The following SDK1 variants were observed in gnomAD, a reference collection of about 807,000 sequenced individuals.
SDK1 encodes protein sidekick-1.
SDK1 carries 157 observed loss-of-function variants against 245.5 expected under a neutral mutation model. That is an observed-to-expected ratio of 0.64 (90% CI 0.56 to 0.73). The LOEUF (loss-of-function observed/expected upper bound fraction) is 0.73. SDK1 is among the 30% of genes least tolerant of loss of function. The probability of loss-of-function intolerance (pLI) is 0.00; values close to 1 mark genes in which losing one functional copy is unlikely to be tolerated. For missense variants in SDK1, 3,583 were observed against 3,002.3 expected (o/e 1.19, Z -4.52); for synonymous variants, 1,647 against 1,278.5 (o/e 1.29, Z -6.15).
chr7:3,346,827 A>ATATATTTT (rs1228887289), intron 1 of SDK1, among the ~76,000 whole-genome samples: 2 of 16,390 alleles, frequency 1.2e-4, no homozygotes, highest in African/African-American at 4.6e-4. Flanking sequence ...ATATATATAT[A>ATATATTTT]TTTTTTTTTT....
Position 3,803,044 on chromosome 7 carries a change from A to G in SDK1, c.714-18406A>G, listed in dbSNP as rs140675156. Among the ~76,000 whole-genome samples, 35 of 152,332 alleles carry G rather than the reference A, an allele frequency of 2.3e-4. No homozygotes were observed. The East Asian group carries it at 4.4e-3, about 19-fold the overall frequency. On this transcript the variant is annotated intron_variant, in intron 4 of 44. Transcript: ENST00000404826. The stretch of plus-strand genomic sequence containing the variant: ...TATGTTTGGCTTTTTAGAAACTACC[A>G]AAGTATTTTCCACTGTGGCTATACT...
At position 3,742,927 on chromosome 7, in the gene SDK1, G is replaced by T. The variant is rs149325190; in HGVS notation, c.714-78523G>T. On this transcript the variant is annotated intron_variant, in intron 4 of 44. Coordinates refer to ENST00000404826, the MANE Select transcript of SDK1 (RefSeq NM_152744.4). ...GAACCAAACAAACAAATAGCAAATT[G>T]TACGTCATCAGTGGAGACTGGTTTT... is the stretch of plus-strand genomic sequence containing the variant. Among the ~76,000 whole-genome samples, 892 of 152,304 alleles carry T rather than the reference G, an allele frequency of 5.9e-3. 10 individuals are homozygous for T. The highest frequency in any genetic ancestry group is 0.02 in the African/African-American group (834 of 41,570).
intron 5 of SDK1, among the ~76,000 whole-genome samples, chr7:3,850,449 C>T (rs546451968): frequency 8.5e-5 from 13 of 152,182 alleles, no homozygotes; most frequent in Non-Finnish European, 1.8e-4. Context: ...GACAATGCGG[C>T]GATCCCTCAA....
Position 4,049,362 on chromosome 7 carries a change from C to G in SDK1, c.2617C>G (p.Pro873Ala). 6.2e-7 allele frequency: 1 copy of G among 1,614,112 alleles called. No individual in the cohort carries two copies. The highest frequency in any genetic ancestry group is 8.5e-7 in the Non-Finnish European group (1 of 1,180,022). ...CCCTGCCACAGTGCCCACCGCGCCC[C>G]CGCAGAACGTGCAGACGGAAGCCGT... is the stretch of plus-strand genomic sequence containing the variant. ...YTLQGVPTAP[P>A]QNVQTEAVNS... Residue 873 changes from proline to alanine, a missense_variant, in exon 18 of 45, where the codon CCG becomes GCG. By Grantham distance (27) the Pro-to-Ala change is conservative (BLOSUM62 -1). Coordinates refer to ENST00000404826, the MANE Select transcript of SDK1 (RefSeq NM_152744.4).
At chr7:4,033,247 A>G (rs1456016375) in intron 17 of SDK1, among the ~76,000 whole-genome samples, 1 of 150,698 alleles carries the variant, frequency 6.6e-6, no homozygotes, top group African/African-American at 2.5e-5. Flanking sequence ...AAATAAGTGG[A>G]TACCTATATG....
chr7:3,356,105 C>T (rs1031412912), intron 1 of SDK1, among the ~76,000 whole-genome samples: 2 of 152,110 alleles, frequency 1.3e-5, no homozygotes, highest in Non-Finnish European at 2.9e-5. Context: ...CCCATGTCAG[C>T]CTCATTAGCT....
At chr7:3,873,769 C>CT (rs1368846341) in intron 5 of SDK1, among the ~76,000 whole-genome samples, 1 of 152,220 alleles carries the variant, frequency 6.6e-6, no homozygotes, top group East Asian at 1.9e-4. Flanking sequence ...TTTCTGATTT[C>CT]TATCATTTCC....
intron 14 of SDK1, among the ~76,000 whole-genome samples, chr7:3,990,687 A>G (rs772727211): frequency 6.6e-6 from 1 of 152,110 alleles, no homozygotes; most frequent in South Asian, 2.1e-4. Flanking sequence ...CGTGCTCCTC[A>G]TTCCCTGCAC....
chr7:4,082,188 G>T (rs965001473), intron 22 of SDK1, among the ~76,000 whole-genome samples: 1 of 152,136 alleles, frequency 6.6e-6, no homozygotes, highest in Non-Finnish European at 1.5e-5. Context: ...TTTGATCTGG[G>T]TGCTTATTTT....
chr7:4,198,014 C>T (rs1038958535), intron 35 of SDK1, among the ~76,000 whole-genome samples: 51 of 152,194 alleles, frequency 3.4e-4, no homozygotes, highest in African/African-American at 1.2e-3. Flanking sequence ...CACAGGCCTG[C>T]CCACTGCATC....
chr7:3,956,980 G>A (rs1258041026), intron 7 of SDK1, among the ~76,000 whole-genome samples: 2 of 152,332 alleles, frequency 1.3e-5, no homozygotes, highest in Non-Finnish European at 1.5e-5. Flanking sequence ...CCCTGGGCCC[G>A]TAGGTGCCGA....
intron 4 of SDK1, among the ~76,000 whole-genome samples, chr7:3,758,083 A>G (rs1038553380): frequency 2.0e-5 from 3 of 152,192 alleles, no homozygotes; most frequent in African/African-American, 4.8e-5. Flanking sequence ...TCCAGCCCAC[A>G]GTCAAGCAGA....
At chr7:3,445,232 G>C (rs1583867851) in intron 1 of SDK1, among the ~76,000 whole-genome samples, 1 of 152,182 alleles carries the variant, frequency 6.6e-6, no homozygotes, top group East Asian at 1.9e-4. Flanking sequence ...TAACACTTGG[G>C]TTTCAGCTGA....
At position 4,129,966 on chromosome 7, in the gene SDK1, A is replaced by G. The variant is rs1784688379; in HGVS notation, c.3998A>G (p.Asn1333Ser). ...PEPRSHIVRG[N>S]HTQSALLAGL... is the part of the protein sequence containing the mutation. ...CCCAGGAGCCACATCGTGCGAGGGA[A>G]CCACACGCAGTCGGCCCTGCTGGCA... The change falls in exon 27 of 45, where the codon AAC becomes AGC. Residue 1333 changes from asparagine to serine, a missense_variant. Asn to Ser is a conservative substitution (Grantham distance 46, BLOSUM62 1). Transcript: ENST00000404826. 1 of 1,613,722 alleles carries G rather than the reference A, an allele frequency of 6.2e-7. No homozygotes were observed. The highest frequency in any genetic ancestry group is 8.5e-7 in the Non-Finnish European group (1 of 1,179,978).
At chr7:3,903,345 G>A (rs563361552) in intron 5 of SDK1, among the ~76,000 whole-genome samples, 19 of 152,084 alleles carry the variant, frequency 1.2e-4, no homozygotes, top group Admixed American at 9.8e-4. Context: ...AGGTTTCACC[G>A]TGTTAGCCAG....
chr7:4,217,512 ACACCACC>A (rs1784894570), intron 38 of SDK1, among the ~76,000 whole-genome samples: 3 of 130,220 alleles, frequency 2.3e-5, no homozygotes, highest in Admixed American at 7.6e-5. Context: ...CCGGAGCACC[ACACCACC>A]CGGAGCACCA....
At chr7:3,568,106 C>T (rs942181140) in intron 1 of SDK1, among the ~76,000 whole-genome samples, 1 of 152,174 alleles carries the variant, frequency 6.6e-6, no homozygotes, top group Non-Finnish European at 1.5e-5. Flanking sequence ...CAGGCATGAA[C>T]CACTGTGTCC....
intron 1 of SDK1, among the ~76,000 whole-genome samples, chr7:3,348,941 C>A (rs929081149): frequency 3.3e-5 from 5 of 152,102 alleles, no homozygotes; most frequent in Admixed American, 2.0e-4. Flanking sequence ...AGTTTGATGC[C>A]ATGTAGCTTG....
chr7:3,487,716 C>G (rs966003197), intron 1 of SDK1, among the ~76,000 whole-genome samples: 4 of 134,974 alleles, frequency 3.0e-5, no homozygotes, highest in Non-Finnish European at 1.5e-5. Flanking sequence ...GATCATGCCC[C>G]TGCATTGCAG....
Sources: allele counts gnomAD v4.1 joint callset (sites outside exome capture counted in the v4.1 genomes callset), GRCh38; gene constraint gnomAD v4.1.1; transcripts MANE v1.5; gene names NCBI Gene and HGNC (gene_info 2026-07-23, HGNC 2026-07-21).